The following LRBA variants were observed in gnomAD, a reference collection of about 807,000 sequenced individuals.
LRBA encodes the protein lipopolysaccharide-responsive and beige-like anchor protein.
LRBA carries 176 observed loss-of-function variants against 330.0 expected under a neutral mutation model. The ratio of observed to expected loss-of-function variants is 0.53; its 90% confidence interval spans 0.47 to 0.60. The LOEUF (loss-of-function observed/expected upper bound fraction) is 0.60. Among genes scored for constraint, LRBA ranks in the 20% least tolerant of loss-of-function variants. LRBA has a pLI of 0.00. For synonymous variants in LRBA, 1,230 were observed against 1,193.0 expected, an observed-to-expected ratio of 1.03 and a Z score of -0.64; for missense variants, 3,259 against 3,444.8, an observed-to-expected ratio of 0.95 and a Z score of 1.35.
intron 47 of LRBA, among the ~76,000 whole-genome samples, chr4:150,367,257 C>T (rs1739587703): frequency 6.6e-6 from 1 of 152,056 alleles, no homozygotes; most frequent in South Asian, 2.1e-4. Context: ...AGAAGTAAAA[C>T]ATAAATGGGG....
chr4:150,613,944 A>T (rs969620472), intron 37 of LRBA, among the ~76,000 whole-genome samples: 69 of 152,154 alleles, frequency 4.5e-4, no homozygotes, highest in African/African-American at 1.6e-3. Flanking sequence ...CTGTTCCAAG[A>T]CCACCCCGCT....
intron 22 of LRBA, among the ~76,000 whole-genome samples, chr4:150,863,770 T>A (rs900369182): frequency 2.0e-5 from 3 of 152,224 alleles, no homozygotes; most frequent in Non-Finnish European, 4.4e-5. Context: ...ATATAAATAC[T>A]TAGTCATAAA....
intron 56 of LRBA, among the ~76,000 whole-genome samples, chr4:150,269,333 T>C (rs1745774179): frequency 6.6e-6 from 1 of 152,182 alleles, no homozygotes; most frequent in African/African-American, 2.4e-5. Flanking sequence ...AGTTGAGAAA[T>C]AATCCCTCAC....
intron 40 of LRBA, among the ~76,000 whole-genome samples, chr4:150,577,874 A>G (rs948476325): frequency 6.6e-6 from 1 of 152,230 alleles, no homozygotes; most frequent in East Asian, 1.9e-4. Context: ...AAACAGGATT[A>G]TAACTGTCAG....
At chr4:150,554,732 A>G (rs1767069765) in intron 40 of LRBA, among the ~76,000 whole-genome samples, 3 of 152,094 alleles carry the variant, frequency 2.0e-5, no homozygotes, top group African/African-American at 7.2e-5. Flanking sequence ...ACTTTTTCCA[A>G]AATAATCTTA....
At chr4:150,941,033 A>G (rs1334371107) in intron 2 of LRBA, among the ~76,000 whole-genome samples, 5 of 151,962 alleles carry the variant, frequency 3.3e-5, no homozygotes, top group African/African-American at 9.7e-5. Context: ...TTTAAATTTT[A>G]GATTGTAAAT....
Position 150,325,837 on chromosome 4 carries a change from T to C in LRBA, c.7424A>G (p.His2475Arg). Residue 2475 changes from histidine (H) to arginine (R), a missense_variant, in exon 49 of 57, where the codon CAT becomes CGT. Coordinates refer to ENST00000651943, the MANE Select transcript of LRBA (RefSeq NM_001364905.1). ...TTGCATGGCAGAACCTCTGGGAGGA[T>C]GGGGCTCTATGAGTAGTTGAGAAGG... Reference protein sequence around the residue: ...QTPSQLLIEPHPPRGSAMQVS... With the variant: ...QTPSQLLIEPRPPRGSAMQVS... 6.2e-7 allele frequency: 1 copy of C among 1,613,456 alleles called. No individual in the cohort carries two copies.
At chr4:150,707,417 C>CTTT (rs1785735888) in intron 36 of LRBA, among the ~76,000 whole-genome samples, 1 of 151,148 alleles carries the variant, frequency 6.6e-6, no homozygotes, top group Non-Finnish European at 1.5e-5. Flanking sequence ...TTGGATGAAA[C>CTTT]TAATAAAAGA....
At chr4:150,881,608 C>T (rs1220664514) in intron 17 of LRBA, among the ~76,000 whole-genome samples, 3 of 152,130 alleles carry the variant, frequency 2.0e-5, no homozygotes, top group Non-Finnish European at 4.4e-5. Context: ...TACCTCAAAC[C>T]TCAGCATCAT....
chr4:150,936,528 T>C (rs532972985), intron 2 of LRBA, among the ~76,000 whole-genome samples: 3 of 152,024 alleles, frequency 2.0e-5, no homozygotes, highest in African/African-American at 7.2e-5. Flanking sequence ...ATTGCAGTGA[T>C]TCAGAAAAGT....
chr4:150,743,648 G>A (rs1381119554), intron 35 of LRBA, among the ~76,000 whole-genome samples: 1 of 152,168 alleles, frequency 6.6e-6, no homozygotes, highest in African/African-American at 2.4e-5. Flanking sequence ...AGGCCCATTT[G>A]TTTAAGTGTT....
chr4:150,542,221 G>T (rs186444126), intron 40 of LRBA, among the ~76,000 whole-genome samples: 17 of 152,284 alleles, frequency 1.1e-4, no homozygotes, highest in African/African-American at 3.4e-4. Context: ...CTGCAGGCAG[G>T]CAGTATAACC....
chr4:150,855,140 C>T (rs1284444496), intron 22 of LRBA, among the ~76,000 whole-genome samples: 1 of 152,158 alleles, frequency 6.6e-6, no homozygotes, highest in South Asian at 2.1e-4. Flanking sequence ...CACCTGTAAT[C>T]CCAGCTACTC....
intron 22 of LRBA, among the ~76,000 whole-genome samples, chr4:150,867,226 GT>G (rs1560936492): frequency 6.6e-6 from 1 of 150,946 alleles, no homozygotes; most frequent in African/African-American, 2.4e-5. Context: ...TCCACCTTAC[GT>G]TGCTAAAACA....
intron 36 of LRBA, among the ~76,000 whole-genome samples, chr4:150,689,309 G>A (rs1783906323): frequency 6.6e-6 from 1 of 152,044 alleles, no homozygotes; most frequent in Admixed American, 6.6e-5. Flanking sequence ...GGGCCTGTAT[G>A]GGGATGGAGG....
At chr4:150,553,757 G>A (rs1475144447) in intron 40 of LRBA, among the ~76,000 whole-genome samples, 1 of 152,128 alleles carries the variant, frequency 6.6e-6, no homozygotes, top group Non-Finnish European at 1.5e-5. Flanking sequence ...AGAGAAATTT[G>A]TCTCCAAATA....
intron 40 of LRBA, among the ~76,000 whole-genome samples, chr4:150,559,556 ATATT>A (rs1199407857): frequency 8.1e-6 from 1 of 124,192 alleles, no homozygotes; most frequent in African/African-American, 3.0e-5. Context: ...ATAAATATAT[ATATT>A]TATATAAATA....
At chr4:150,916,377 C>T (rs1732584527) in intron 7 of LRBA, 24 bp downstream of exon 7, 1 of 1,608,004 alleles carries the variant, frequency 6.2e-7, no homozygotes, top group East Asian at 2.2e-5. Flanking sequence ...GTTAACATAA[C>T]TATGACTCAA....
At chr4:150,774,950 C>T (rs1389376916) in intron 34 of LRBA, among the ~76,000 whole-genome samples, 1 of 152,176 alleles carries the variant, frequency 6.6e-6, no homozygotes, top group African/African-American at 2.4e-5. Flanking sequence ...CCTACATACA[C>T]CATGATCAAT....
Sources: allele counts gnomAD v4.1 joint callset (sites outside exome capture counted in the v4.1 genomes callset), GRCh38; gene constraint gnomAD v4.1.1; transcripts MANE v1.5; gene names NCBI Gene and HGNC (gene_info 2026-07-23, HGNC 2026-07-21).